Variants in ZMAT4 observed in about 807,000 individuals in gnomAD.
ZMAT4 encodes zinc finger matrin-type 4.
A neutral mutation model predicts 28.7 loss-of-function variants in ZMAT4; 17 were observed. That is an observed-to-expected ratio of 0.59 (90% CI 0.41 to 0.89). The LOEUF is 0.89. ZMAT4 is among the 40% of genes least tolerant of loss of function. ZMAT4 has a pLI of 0.00. For missense variants in ZMAT4, 240 were observed against 283.8 expected, an observed-to-expected ratio of 0.85 and a Z score of 1.11; for synonymous variants, 117 against 109.2, an observed-to-expected ratio of 1.07 and a Z score of -0.44.
chr8:40,805,705 C>T (rs534226595), intron 2 of ZMAT4, among the ~76,000 whole-genome samples: 7 of 146,708 alleles, frequency 4.8e-5, no homozygotes, highest in Non-Finnish European at 7.5e-5. Context: ...AACCAAACAC[C>T]GCATATTCTC....
chr8:40,585,923 T>C (rs1268020007), intron 5 of ZMAT4, among the ~76,000 whole-genome samples: 4 of 152,196 alleles, frequency 2.6e-5, no homozygotes, highest in Admixed American at 2.0e-4. Flanking sequence ...GCAATAGGCA[T>C]AAATATTTAT....
chr8:40,893,463 A>C (rs969460929), intron 1 of ZMAT4, among the ~76,000 whole-genome samples: 1 of 152,192 alleles, frequency 6.6e-6, no homozygotes, highest in African/African-American at 2.4e-5. Context: ...GATCTAGCTC[A>C]AGTGCCAGAG....
intron 5 of ZMAT4, among the ~76,000 whole-genome samples, chr8:40,601,517 G>GAGAAAGAGAAAGAA (rs1805333101): frequency 2.1e-5 from 3 of 142,992 alleles, no homozygotes; most frequent in Non-Finnish European, 3.1e-5. Context: ...AAGAGAAAGA[G>GAGAAAGAGAAAGAA]AAAGAAAGAG....
At chr8:40,713,947 A>G (rs1284433007) in intron 3 of ZMAT4, among the ~76,000 whole-genome samples, 1 of 150,874 alleles carries the variant, frequency 6.6e-6, no homozygotes, top group African/African-American at 2.4e-5. Context: ...AAAGAAAAAG[A>G]AAAAGAAAAA....
At position 40,570,326 on chromosome 8, in the gene ZMAT4, T is replaced by G. The variant is rs188650663; in HGVS notation, c.674+10839A>C. Reference sequence around the variant, plus strand: ...CTGATGGTTGCATGGTGTAGATGACTGTCAAAACCCATCAAATTGTATAAC... The same window carrying G: ...CTGATGGTTGCATGGTGTAGATGACGGTCAAAACCCATCAAATTGTATAAC... On this transcript the variant is annotated intron_variant, in intron 6 of 6. Coordinates refer to ENST00000297737, the MANE Select transcript of ZMAT4 (RefSeq NM_024645.3). Among the ~76,000 whole-genome samples, 12 of 152,056 alleles carry G rather than the reference T, an allele frequency of 7.9e-5. No homozygotes were observed. In the East Asian group the frequency reaches 2.3e-3, roughly 30 times the overall value.
intron 2 of ZMAT4, among the ~76,000 whole-genome samples, chr8:40,790,026 T>TCC (rs1814255587): frequency 6.6e-6 from 1 of 152,052 alleles, no homozygotes. Flanking sequence ...TGCCAATACC[T>TCC]CCAGTCAAGG....
intron 1 of ZMAT4, among the ~76,000 whole-genome samples, chr8:40,877,030 AG>A (rs930371956): frequency 3.0e-4 from 45 of 152,368 alleles, no homozygotes; most frequent in African/African-American, 1.0e-3. Context: ...GTCTTGACCC[AG>A]GTGTCAAATT....
At chr8:40,659,485 C>T (rs561342103) in intron 5 of ZMAT4, among the ~76,000 whole-genome samples, 2 of 152,288 alleles carry the variant, frequency 1.3e-5, no homozygotes, top group South Asian at 4.1e-4. Context: ...TGCATTGCCC[C>T]TGGATGCAGA....
intron 5 of ZMAT4, among the ~76,000 whole-genome samples, chr8:40,581,892 T>C (rs1804476808): frequency 6.6e-6 from 1 of 152,208 alleles, no homozygotes; most frequent in African/African-American, 2.4e-5. Flanking sequence ...CCAAGATGGA[T>C]AAGATGCTCT....
intron 3 of ZMAT4, among the ~76,000 whole-genome samples, chr8:40,709,686 C>A (rs1182197890): frequency 1.3e-5 from 2 of 152,168 alleles, no homozygotes; most frequent in Non-Finnish European, 2.9e-5. Flanking sequence ...GATGTGCCTA[C>A]TAGAATGTAA....
At chr8:40,736,132 C>T (rs1811752047) in intron 3 of ZMAT4, among the ~76,000 whole-genome samples, 1 of 152,186 alleles carries the variant, frequency 6.6e-6, no homozygotes, top group African/African-American at 2.4e-5. Context: ...ATCAGGAAGA[C>T]TCTGACCAAC....
chr8:40,752,492 T>A (rs999475383), intron 3 of ZMAT4, among the ~76,000 whole-genome samples: 1 of 152,174 alleles, frequency 6.6e-6, no homozygotes, highest in African/African-American at 2.4e-5. Flanking sequence ...GAACCTGGAA[T>A]AACCTGGAGA....
At chr8:40,630,758 G>A (rs1426675573) in intron 5 of ZMAT4, among the ~76,000 whole-genome samples, 1 of 152,108 alleles carries the variant, frequency 6.6e-6, no homozygotes, top group African/African-American at 2.4e-5. Context: ...CTGCACATTT[G>A]GACTTTAGTT....
At chr8:40,552,867 C>T (rs760176758) in intron 6 of ZMAT4, among the ~76,000 whole-genome samples, 15 of 152,154 alleles carry the variant, frequency 9.9e-5, no homozygotes, top group Non-Finnish European at 2.1e-4. Context: ...CACCTCCCGT[C>T]GCTGTGGCTG....
chr8:40,825,394 C>G (rs1815994912), intron 2 of ZMAT4, among the ~76,000 whole-genome samples, 181 bp downstream of exon 2: 1 of 152,110 alleles, frequency 6.6e-6, no homozygotes, highest in South Asian at 2.1e-4. Flanking sequence ...CATCCCCAAC[C>G]CTCACTCCCA....
chr8:40,612,820 T>G lies in ZMAT4; in HGVS notation c.578-31559A>C, dbSNP rs1210127798. Among the ~76,000 whole-genome samples the G allele has an allele frequency of 5.5e-4, 50 of 91,554 alleles. 8 individuals carry two copies. The highest frequency in any genetic ancestry group is 3.2e-4 in the Admixed American group (3 of 9,260). The allele number at this position is 91,554 out of a possible 152,430, so 60.1% of individuals were successfully genotyped here. On this transcript the variant is annotated intron_variant, in intron 5 of 6. Transcript: ENST00000297737. ...CTGTATTTTGGTTTTTGTTTTTTTT[T>G]TTTTTTTTTGAGACGAAGTCTTGCT... is the stretch of plus-strand genomic sequence containing the variant.
intron 2 of ZMAT4, among the ~76,000 whole-genome samples, chr8:40,815,288 A>T (rs140011566): frequency 2.8e-4 from 42 of 152,256 alleles, no homozygotes; most frequent in African/African-American, 9.4e-4. Context: ...ATAAAAATAA[A>T]ATAAAATAAA....
intron 1 of ZMAT4, among the ~76,000 whole-genome samples, chr8:40,833,087 G>A (rs187182454): frequency 6.6e-6 from 1 of 152,316 alleles, no homozygotes; most frequent in East Asian, 1.9e-4. Context: ...AGGCAAGCGG[G>A]TGGTTTTCGT....
chr8:40,793,465 G>A (rs575493095), intron 2 of ZMAT4, among the ~76,000 whole-genome samples: 5 of 152,250 alleles, frequency 3.3e-5, no homozygotes, highest in Admixed American at 1.3e-4. Context: ...AATCGGGCAA[G>A]GGCTGACCTT....
Sources: allele counts gnomAD v4.1 joint callset (sites outside exome capture counted in the v4.1 genomes callset), GRCh38; gene constraint gnomAD v4.1.1; transcripts MANE v1.5; gene names NCBI Gene and HGNC (gene_info 2026-07-23, HGNC 2026-07-21).